NFAT5: variants seen among roughly 807,000 people sequenced by gnomAD.
The protein encoded by NFAT5 is nuclear factor of activated T-cells 5.
NFAT5 carries 31 observed loss-of-function variants against 166.5 expected under a neutral mutation model. The observed-to-expected ratio is 0.19, with a 90% CI of 0.14 to 0.25. The LOEUF is 0.25. NFAT5 is among the 10% of genes least tolerant of loss of function. NFAT5 has a pLI of 1.00. For synonymous variants in NFAT5, 612 were observed against 639.7 expected, an observed-to-expected ratio of 0.96 and a Z score of 0.65; for missense variants, 1,449 against 1,821.8, an observed-to-expected ratio of 0.80 and a Z score of 3.72.
chr16:69,581,358 A>G (rs1201367858), intron 2 of NFAT5, among the ~76,000 whole-genome samples: 1 of 152,142 alleles, frequency 6.6e-6, no homozygotes, highest in Non-Finnish European at 1.5e-5. Flanking sequence ...TATTTGTGTC[A>G]TTTCCACATT....
At chr16:69,656,732 A>G (rs2035897523) in intron 6 of NFAT5, among the ~76,000 whole-genome samples, 1 of 152,128 alleles carries the variant, frequency 6.6e-6, no homozygotes, top group Non-Finnish European at 1.5e-5. Flanking sequence ...GATTACAGGC[A>G]TGAGCCGCTG....
At chr16:69,596,502 G>A (rs541031478) in intron 2 of NFAT5, among the ~76,000 whole-genome samples, 2 of 152,146 alleles carry the variant, frequency 1.3e-5, no homozygotes, top group Non-Finnish European at 1.5e-5. Context: ...GGCAGATCAC[G>A]AGGTCAGGAG....
intron 2 of NFAT5, among the ~76,000 whole-genome samples, chr16:69,589,657 G>T (rs2032335980): frequency 6.6e-6 from 1 of 152,116 alleles, no homozygotes; most frequent in East Asian, 1.9e-4. Flanking sequence ...ACCTCAGGAT[G>T]ATTCAAATCA....
chr16:69,646,954 A>G, intron 3 of NFAT5, 74 bp from the exon 4 acceptor site: 1 of 1,268,782 alleles, frequency 7.9e-7, no homozygotes, highest in Non-Finnish European at 1.1e-6. Flanking sequence ...CACAAATCAC[A>G]TTTTCAATGG....
rs2035482640 is a variant in NFAT5, at chr16:69,647,362, T to C, written c.588T>C (p.Asp196=). 1.9e-6 allele frequency: 3 copies of C among 1,613,700 alleles called. No homozygotes were observed. Among genetic ancestry groups the C allele is most frequent in the East Asian group, 2.2e-5 (1 of 44,888 alleles). The change falls in exon 4 of 15, where the codon GAT becomes GAC. Residue 196 remains aspartate, a synonymous_variant. Transcript: ENST00000349945. This position sits in a 1 kb window ranked among gnomAD's most constrained non-coding sequence, Gnocchi z 4.8. ...AGAGCTGCAGTATGTGGATGGAGGA[T>C]TCCCCCTCCAACTTCAGTAACATGA... The part of the protein sequence containing the change: ...SEQSCSMWME[D]SPSNFSNMST...
chr16:69,666,525 C>T (rs1410582550), intron 7 of NFAT5, among the ~76,000 whole-genome samples: 2 of 152,164 alleles, frequency 1.3e-5, no homozygotes, highest in Non-Finnish European at 2.9e-5. Flanking sequence ...TGAACAGACA[C>T]TTCTCAAAAG....
chr16:69,673,696 G>A (rs535829977), intron 9 of NFAT5, among the ~76,000 whole-genome samples: 5 of 151,978 alleles, frequency 3.3e-5, no homozygotes, highest in South Asian at 2.1e-4. Context: ...GCACTTCCAC[G>A]TGGGTGACAG....
At chr16:69,667,381 G>A (rs2036436458) in intron 7 of NFAT5, among the ~76,000 whole-genome samples, 1 of 151,300 alleles carries the variant, frequency 6.6e-6, no homozygotes, top group Non-Finnish European at 1.5e-5. Context: ...TAACAAAACT[G>A]TATAATATGT....
Position 69,700,018 on chromosome 16 carries a change from A to G in NFAT5, c.*3667A>G, listed in dbSNP as rs1401219871. ...GCCAATGCAAATCTGTTTTAAAACA[A>G]ATAGTTTAAAAAAAGAACAAGTTTT... is the stretch of plus-strand genomic sequence containing the variant. On this transcript the variant is annotated 3_prime_UTR_variant, in exon 15 of 15. Transcript: ENST00000349945. 1 of 152,192 alleles carries G rather than the reference A, an allele frequency of 6.6e-6. No individual in the cohort carries two copies. Among genetic ancestry groups the G allele is most frequent in the Non-Finnish European group, 1.5e-5 (1 of 68,038 alleles). The allele number at this position is 152,192 out of a possible 1,614,324, so 9.4% of individuals were successfully genotyped here.
At position 69,693,116 on chromosome 16, in the gene NFAT5, C is replaced by T. The variant is rs200900195; in HGVS notation, c.3291C>T (p.Ala1097=). ...TTTTTCATCCTCAAAATCCTATTGC[C>T]GATGCTCAGAACCTTTCCCAGGAAA... The part of the protein sequence containing the change: ...AQLFHPQNPI[A]DAQNLSQETQ... The change falls in exon 13 of 15, where the codon GCC becomes GCT. Residue 1097 remains alanine, a synonymous_variant. Transcript: ENST00000349945. 3.2e-5 allele frequency: 51 copies of T among 1,614,106 alleles called. No individual in the cohort carries two copies. The highest frequency in any genetic ancestry group is 2.5e-4 in the East Asian group (11 of 44,886).
chr16:69,614,006 A>G (rs1014208422), intron 2 of NFAT5, among the ~76,000 whole-genome samples: 1 of 152,270 alleles, frequency 6.6e-6, no homozygotes, highest in African/African-American at 2.4e-5. Context: ...GAGAAGACTC[A>G]TGGTATGTGT....
At chr16:69,639,575 A>G (rs2151606342) in intron 3 of NFAT5, among the ~76,000 whole-genome samples, 1 of 152,316 alleles carries the variant, frequency 6.6e-6, no homozygotes, top group South Asian at 2.1e-4. Flanking sequence ...TTTTAAAAAA[A>G]TAGAGCCTCT....
At chr16:69,627,323 CATATAT>C (rs10524659) in intron 3 of NFAT5, among the ~76,000 whole-genome samples, 35 of 128,802 alleles carry the variant, frequency 2.7e-4, no homozygotes, top group Non-Finnish European at 4.3e-4. Context: ...AAAAAGGAAA[CATATAT>C]ATATATATAT....
chr16:69,583,962 C>T (rs373907330), intron 2 of NFAT5, among the ~76,000 whole-genome samples: 3 of 152,230 alleles, frequency 2.0e-5, no homozygotes, highest in South Asian at 2.1e-4. Context: ...CGGTGGCTCA[C>T]ACCTGTAATC....
At chr16:69,583,221 G>A (rs145545981) in intron 2 of NFAT5, among the ~76,000 whole-genome samples, 1 of 151,356 alleles carries the variant, frequency 6.6e-6, no homozygotes, top group South Asian at 2.1e-4. Context: ...TTAAGGGATG[G>A]GGTCTCATTC....
chr16:69,612,128 GC>G (rs2033730773), intron 2 of NFAT5, among the ~76,000 whole-genome samples: 1 of 152,086 alleles, frequency 6.6e-6, no homozygotes, highest in Admixed American at 6.6e-5. Flanking sequence ...TTTTCTTGAA[GC>G]TTGTTTTACA....
At chr16:69,691,603 T>G in intron 12 of NFAT5, 146 bp from the exon 13 acceptor site, 1 of 629,658 alleles carries the variant, frequency 1.6e-6, no homozygotes. Context: ...AGAATTGTAG[T>G]CCTGTACCTG....
intron 11 of NFAT5, chr16:69,685,458 A>C (rs1482338667): frequency 6.6e-6 from 1 of 151,484 alleles, no homozygotes; most frequent in Non-Finnish European, 1.5e-5. Flanking sequence ...GAGTCAGGAG[A>C]ATCTCTTTAA....
chr16:69,604,552 CTT>C (rs2033303524), intron 2 of NFAT5, among the ~76,000 whole-genome samples: 1 of 152,178 alleles, frequency 6.6e-6, no homozygotes, highest in Non-Finnish European at 1.5e-5. Context: ...CTGTTCCTCT[CTT>C]TGTGTCCATG....
Sources: gnomAD v4.1 joint callset for allele counts (sites outside exome capture counted in the v4.1 genomes callset) on GRCh38, gnomAD v4.1.1 for gene constraint, Gnocchi (gnomAD v3.1) non-coding constraint, MANE v1.5 for transcripts, NCBI Gene and HGNC (gene_info 2026-07-23, HGNC 2026-07-21) for gene names.